CD302: variants seen among roughly 807,000 people sequenced by gnomAD.
CD302 encodes CD302 molecule.
Under a neutral mutation model 26.5 loss-of-function variants are expected in CD302, and 23 were observed. The observed-to-expected ratio is 0.87, with a 90% CI of 0.62 to 1.23. The LOEUF (loss-of-function observed/expected upper bound fraction) is 1.23. CD302 is among the 50% of genes most tolerant of loss of function. CD302 has a pLI of 0.00. For synonymous variants in CD302, 90 were observed against 99.4 expected, an observed-to-expected ratio of 0.91 and a Z score of 0.56; for missense variants, 290 against 275.5, an observed-to-expected ratio of 1.05 and a Z score of -0.37.
intron 1 of CD302, among the ~76,000 whole-genome samples, chr2:159,783,707 A>G (rs994229909): frequency 1.3e-5 from 2 of 150,858 alleles, no homozygotes; most frequent in African/African-American, 4.8e-5. Context: ...GAGCAAAGAT[A>G]CAAGTTTTTA....
intron 1 of CD302, among the ~76,000 whole-genome samples, chr2:159,792,708 C>T (rs1278147504): frequency 1.3e-5 from 2 of 152,112 alleles, no homozygotes; most frequent in East Asian, 1.9e-4. Flanking sequence ...CATTCTAAGT[C>T]GAGGAGCATC....
At chr2:159,782,167 C>T (rs962705964) in intron 2 of CD302, among the ~76,000 whole-genome samples, 6 of 152,016 alleles carry the variant, frequency 3.9e-5, no homozygotes, top group Admixed American at 2.0e-4. Context: ...ACTCGGGAGG[C>T]TGAGGCAGGA....
At chr2:159,779,917 GA>G (rs1419889128) in intron 4 of CD302, 87 bp downstream of exon 4, 1 of 1,458,436 alleles carries the variant, frequency 6.9e-7, no homozygotes, top group Non-Finnish European at 9.3e-7. Context: ...TCTATTTATT[GA>G]GGCACACTTA....
intron 2 of CD302, among the ~76,000 whole-genome samples, chr2:159,782,170 A>C (rs1179591234): frequency 6.6e-6 from 1 of 152,090 alleles, no homozygotes; most frequent in African/African-American, 2.4e-5. Flanking sequence ...CGGGAGGCTG[A>C]GGCAGGAGAA....
intron 2 of CD302, chr2:159,781,307 G>A (rs1258027103): frequency 5.3e-6 from 1 of 187,046 alleles, no homozygotes; most frequent in African/African-American, 2.4e-5. Context: ...CCAGCACTTT[G>A]GGAGGCTGAG....
chr2:159,779,999 AC>A lies in CD302; in HGVS notation c.469+5del. 6.2e-7 allele frequency: 1 copy of A among 1,609,454 alleles called. No homozygotes were observed. Among genetic ancestry groups the A allele is most frequent in the Non-Finnish European group, 8.5e-7 (1 of 1,177,568 alleles). On this transcript the variant is annotated splice_donor_5th_base_variant and intron_variant, in intron 4 of 5. Coordinates refer to ENST00000259053, the MANE Select transcript of CD302 (RefSeq NM_014880.5). ...AGAATGGAAAAACACCTTCGGTCAT[AC>A]TTACTAGCTGTTTTGCATAGTGTTC...
At chr2:159,783,040 TAATA>T (rs891492728) in intron 2 of CD302, among the ~76,000 whole-genome samples, 26 of 152,214 alleles carry the variant, frequency 1.7e-4, no homozygotes, top group Non-Finnish European at 5.9e-5. Flanking sequence ...AAAATGATAA[TAATA>T]CACTACTTGA....
At chr2:159,784,014 T>G (rs1403982543) in intron 1 of CD302, among the ~76,000 whole-genome samples, 1 of 152,180 alleles carries the variant, frequency 6.6e-6, no homozygotes, top group East Asian at 1.9e-4. Context: ...TCAAAGTAGA[T>G]TATTTGAGGT....
At position 159,771,900 on chromosome 2, in the gene CD302, C is replaced by G; in HGVS notation, c.650G>C (p.Cys217Ser). Residue 217 changes from cysteine (C) to serine (S), a missense_variant, in exon 6 of 6, where the codon TGT (cysteine) becomes TCT (serine). Physicochemically the swap from Cys to Ser is moderately radical, Grantham distance 112. Coordinates refer to ENST00000259053, the MANE Select transcript of CD302 (RefSeq NM_014880.5). ...ATTTTCTTCTCCAACTACCAAAACA[C>G]AGTCTTCATTATAAGGTGATTGGGG... ...TAPQSPYNED[C>S]VLVVGEENEY... 2 of 1,614,008 alleles carry G rather than the reference C, an allele frequency of 1.2e-6. No individual in the cohort carries two copies. Among genetic ancestry groups the G allele is most frequent in the Non-Finnish European group, 1.7e-6 (2 of 1,179,918 alleles).
intron 5 of CD302, among the ~76,000 whole-genome samples, chr2:159,775,492 C>G (rs758796574): frequency 5.3e-5 from 8 of 152,132 alleles, no homozygotes; most frequent in Non-Finnish European, 1.0e-4. Flanking sequence ...CTAGAAGATA[C>G]GTAGTGAAAA....
chr2:159,777,868 A>G, intron 5 of CD302, 70 bp downstream of exon 5: 2 of 793,690 alleles, frequency 2.5e-6, no homozygotes, highest in Non-Finnish European at 3.8e-6. Context: ...TCTGTAATGT[A>G]TTTTAATATG....
At position 159,788,625 on chromosome 2, in the gene CD302, T is replaced by C. The variant is rs1708728902; in HGVS notation, c.68-5156A>G. Reference sequence around the variant, plus strand: ...CTGAGAAGTTAACTGTCAGTCTCACTGTTGCTTTTTGGACAGTAATGTGCT... The same window carrying C: ...CTGAGAAGTTAACTGTCAGTCTCACCGTTGCTTTTTGGACAGTAATGTGCT... On this transcript the variant is annotated intron_variant, in intron 1 of 5. Transcript: ENST00000259053. 2.0e-5 allele frequency among the ~76,000 whole-genome samples: 3 copies of C among 152,264 alleles called. No individual in the cohort carries two copies. The East Asian group carries it at 5.8e-4, about 29-fold the overall frequency.
At chr2:159,797,890 G>A (rs1682509638) in intron 1 of CD302, among the ~76,000 whole-genome samples, 1 of 152,202 alleles carries the variant, frequency 6.6e-6, no homozygotes, top group Non-Finnish European at 1.5e-5. Flanking sequence ...TGAGGATGTG[G>A]ACTCCGAGGA....
intron 5 of CD302, among the ~76,000 whole-genome samples, chr2:159,772,813 T>C (rs1479125974): frequency 6.6e-6 from 1 of 152,146 alleles, no homozygotes; most frequent in Admixed American, 6.5e-5. Flanking sequence ...AAATGAGACC[T>C]GGAAGAATTT....
At chr2:159,790,628 C>T (rs919712390) in intron 1 of CD302, among the ~76,000 whole-genome samples, 1 of 151,980 alleles carries the variant, frequency 6.6e-6, no homozygotes, top group Non-Finnish European at 1.5e-5. Flanking sequence ...TCTTTTTTCC[C>T]TTTTTACTTT....
At position 159,774,717 on chromosome 2, in the gene CD302, G is replaced by A. The variant is rs182261551; in HGVS notation, c.497-2664C>T. Among the ~76,000 whole-genome samples the A allele has an allele frequency of 5.9e-5, 9 of 152,256 alleles. No individual in the cohort carries two copies. In the East Asian group the frequency reaches 1.7e-3, roughly 29 times the overall value. ...CAGTAACCTTTGCTGAACCCAGCTT[G>A]GACTAACTTGACCTTTCCTGTGTGC... On this transcript the variant is annotated intron_variant, in intron 5 of 5. Coordinates refer to ENST00000259053, the MANE Select transcript of CD302 (RefSeq NM_014880.5).
At position 159,771,001 on chromosome 2, in the gene CD302, A is replaced by G. The variant is rs1471208186; in HGVS notation, c.*850T>C. On this transcript the variant is annotated 3_prime_UTR_variant, in exon 6 of 6. Coordinates refer to ENST00000259053, the MANE Select transcript of CD302 (RefSeq NM_014880.5). ...ACCTTTTTCTTAAAATGTACAATAA[A>G]TGCACTGAAAACTTTGATCACTGTC... 6.6e-6 allele frequency: 1 copy of G among 152,202 alleles called. No individual in the cohort carries two copies. The highest frequency in any genetic ancestry group is 2.4e-5 in the African/African-American group (1 of 41,462). 9.4% of individuals were successfully genotyped at this position (152,202 alleles called of 1,614,324 possible).
chr2:159,784,416 C>T (rs1487788301), intron 1 of CD302, among the ~76,000 whole-genome samples: 2 of 130,212 alleles, frequency 1.5e-5, no homozygotes, highest in African/African-American at 5.9e-5. Flanking sequence ...AGTGCAGTGG[C>T]GCGATCTCAG....
intron 1 of CD302, among the ~76,000 whole-genome samples, chr2:159,794,840 G>A (rs1276135564): frequency 2.6e-5 from 4 of 150,952 alleles, no homozygotes; most frequent in Middle Eastern, 3.4e-3. Flanking sequence ...GAGCCACCAC[G>A]CCCAGCTCAA....
Sources: gnomAD v4.1 joint callset for allele counts (sites outside exome capture counted in the v4.1 genomes callset) on GRCh38, gnomAD v4.1.1 for gene constraint, MANE v1.5 for transcripts, NCBI Gene and HGNC (gene_info 2026-07-23, HGNC 2026-07-21) for gene names.